The following SULT1C3 variants were observed in gnomAD, a reference collection of about 807,000 sequenced individuals.
The protein encoded by SULT1C3 is sulfotransferase family 1C member 3.
A neutral mutation model predicts 28.4 loss-of-function variants in SULT1C3; 31 were observed. The observed-to-expected ratio is 1.09, with a 90% CI of 0.82 to 1.47. The LOEUF (loss-of-function observed/expected upper bound fraction) is 1.47. Ranked by LOEUF, SULT1C3 falls within the 40% of genes most tolerant of loss-of-function variation. SULT1C3 has a pLI of 0.00. For missense variants in SULT1C3, 307 were observed against 272.5 expected (o/e 1.13, Z -0.89); for synonymous variants, 106 against 92.2 (o/e 1.15, Z -0.86).
intron 7 of SULT1C3, among the ~76,000 whole-genome samples, chr2:108,259,859 A>G (rs1397964987): frequency 6.6e-6 from 1 of 152,124 alleles, no homozygotes; most frequent in Non-Finnish European, 1.5e-5. Flanking sequence ...GAATTCCCTA[A>G]TACCAGTTCT....
chr2:108,252,405 T>G lies in SULT1C3; in HGVS notation c.213T>G (p.Asn71Lys). Residue 71 changes from asparagine to lysine, a missense_variant, in exon 3 of 8, where the codon AAT becomes AAG. Physicochemically the swap from Asn to Lys is moderately conservative, Grantham distance 94. Transcript: ENST00000681802. ...WMHEILDMIL[N>K]DGDVEKCKRA... Reference sequence around the variant, plus strand: ...ATGAAATTTTAGACATGATTCTAAATGATGGTGATGTGGAGAAATGCAAAA... The same window carrying G: ...ATGAAATTTTAGACATGATTCTAAAGGATGGTGATGTGGAGAAATGCAAAA... The G allele has an allele frequency of 6.2e-7, 1 of 1,611,838 alleles. No individual in the cohort carries two copies. Among genetic ancestry groups the G allele is most frequent in the Non-Finnish European group, 8.5e-7 (1 of 1,178,732 alleles).
At chr2:108,240,713 A>C (rs563064383) in intron 1 of SULT1C3, among the ~76,000 whole-genome samples, 63 of 152,314 alleles carry the variant, frequency 4.1e-4, no homozygotes, top group Admixed American at 4.1e-3. Context: ...GGTTCGTCTA[A>C]AATGTAGGCA....
intron 3 of SULT1C3, among the ~76,000 whole-genome samples, chr2:108,252,964 G>A (rs1456222166): frequency 6.6e-6 from 1 of 151,844 alleles, no homozygotes; most frequent in Non-Finnish European, 1.5e-5. Context: ...AATAAAGACA[G>A]ACCTCCTAGA....
intron 2 of SULT1C3, 45 bp from the exon 3 acceptor site, chr2:108,252,320 A>T (rs1396152532): frequency 1.9e-6 from 3 of 1,548,482 alleles, no homozygotes; most frequent in Non-Finnish European, 2.6e-6. Context: ...CTTAGAATGA[A>T]AGTTCAATTG....
chr2:108,261,732 C>A (rs965108670), downstream of SULT1C3, among the ~76,000 whole-genome samples: 18 of 152,070 alleles, frequency 1.2e-4, no homozygotes, highest in African/African-American at 4.3e-4. Context: ...GAATCAGGAA[C>A]AATATACATA....
chr2:108,252,999 C>A (rs1398945316), intron 3 of SULT1C3, among the ~76,000 whole-genome samples: 2 of 151,148 alleles, frequency 1.3e-5, no homozygotes, highest in East Asian at 2.0e-4. Flanking sequence ...AGAATGACAA[C>A]CTATTGTAAA....
intron 7 of SULT1C3, 75 bp from the exon 8 acceptor site, chr2:108,260,493 T>C (rs1675996793): frequency 9.5e-6 from 4 of 419,988 alleles, no homozygotes; most frequent in South Asian, 7.1e-5. Flanking sequence ...TGGGTAGGCC[T>C]AGGAACCATT....
At chr2:108,255,923 G>C (rs1675857297) in intron 5 of SULT1C3, among the ~76,000 whole-genome samples, 1 of 152,050 alleles carries the variant, frequency 6.6e-6, no homozygotes, top group Non-Finnish European at 1.5e-5. Context: ...AAGGTAAAAA[G>C]CCCCAAATCC....
At chr2:108,244,039 G>C (rs932665423) in intron 1 of SULT1C3, among the ~76,000 whole-genome samples, 1 of 152,182 alleles carries the variant, frequency 6.6e-6, no homozygotes, top group Non-Finnish European at 1.5e-5. Context: ...GTGGGGTCCT[G>C]GGCCTGCATC....
chr2:108,260,049 C>A (rs919748112), intron 7 of SULT1C3, among the ~76,000 whole-genome samples: 4 of 152,112 alleles, frequency 2.6e-5, no homozygotes, highest in Admixed American at 2.6e-4. Flanking sequence ...AGAAACAATT[C>A]ATTAGTACAG....
intron 1 of SULT1C3, among the ~76,000 whole-genome samples, chr2:108,243,392 G>C (rs1675507777): frequency 6.6e-6 from 1 of 152,072 alleles, no homozygotes; most frequent in South Asian, 2.1e-4. Context: ...AGCACTTTAG[G>C]AGGCCGAGGC....
At chr2:108,257,574 C>T (rs1308784656) in intron 5 of SULT1C3, among the ~76,000 whole-genome samples, 1 of 151,828 alleles carries the variant, frequency 6.6e-6, no homozygotes, top group Non-Finnish European at 1.5e-5. Context: ...AAAAATATTA[C>T]AGTATTTCAA....
rs772456826 is a variant in SULT1C3, at chr2:108,252,480, T to A, written c.288T>A (p.His96Gln). 4.3e-5 allele frequency: 69 copies of A among 1,611,712 alleles called. 1 individual carries two copies. Among genetic ancestry groups the A allele is most frequent in the Non-Finnish European group, 5.6e-5 (66 of 1,178,726 alleles). ...CTTTCCTTGAACTGAAATTTCCCCA[T>A]AAAGAAAAACCAGGTGAGTAATATG... is the stretch of plus-strand genomic sequence containing the variant. ...RHAFLELKFPHKEKPDLEFVL... is the reference protein window; with the variant it reads ...RHAFLELKFPQKEKPDLEFVL... Residue 96 changes from histidine to glutamine, a missense_variant, in exon 3 of 8, where the codon CAT becomes CAA. Transcript: ENST00000681802.
chr2:108,241,971 G>T (rs1353493148), intron 1 of SULT1C3, among the ~76,000 whole-genome samples: 1 of 151,274 alleles, frequency 6.6e-6, no homozygotes, highest in Non-Finnish European at 1.5e-5. Context: ...GTTAGTAAGC[G>T]ATTTTAATTA....
At chr2:108,251,355 G>A (rs1195284558) in intron 2 of SULT1C3, among the ~76,000 whole-genome samples, 1 of 151,980 alleles carries the variant, frequency 6.6e-6, no homozygotes, top group Non-Finnish European at 1.5e-5. Flanking sequence ...GAACTGGCTG[G>A]TCACATGGTA....
chr2:108,241,857 GTGGAGCTTGGAGTGAGTAGAGA>G (rs1675466470), intron 1 of SULT1C3, among the ~76,000 whole-genome samples: 1 of 151,378 alleles, frequency 6.6e-6, no homozygotes. Context: ...AGCCTGGGAG[GTGGAGCTTGGAGTGAGTAGAGA>G]TGGCGCCACT....
At chr2:108,243,200 T>C (rs996660435) in intron 1 of SULT1C3, among the ~76,000 whole-genome samples, 2 of 152,194 alleles carry the variant, frequency 1.3e-5, no homozygotes, top group African/African-American at 4.8e-5. Context: ...GAAAGACATC[T>C]GACCCAAACA....
chr2:108,242,622 A>T (rs1675489533), intron 1 of SULT1C3, among the ~76,000 whole-genome samples: 1 of 152,198 alleles, frequency 6.6e-6, no homozygotes, highest in African/African-American at 2.4e-5. Context: ...TCTCTCTCAT[A>T]ATGTGAAGTA....
chr2:108,244,097 C>A (rs1675527941), intron 1 of SULT1C3, among the ~76,000 whole-genome samples: 1 of 151,570 alleles, frequency 6.6e-6, no homozygotes. Flanking sequence ...GAAAGACATG[C>A]AAAGCACACC....
Sources: allele counts gnomAD v4.1 joint callset (sites outside exome capture counted in the v4.1 genomes callset), GRCh38; gene constraint gnomAD v4.1.1; transcripts MANE v1.5; gene names NCBI Gene and HGNC (gene_info 2026-07-23, HGNC 2026-07-21).